KCNJ6: variants seen among roughly 807,000 people sequenced by gnomAD.
KCNJ6 encodes potassium inwardly rectifying channel subfamily J member 6.
In KCNJ6, 9 loss-of-function variants were observed where a neutral mutation model predicts 34.2. The observed-to-expected ratio is 0.26, with a 90% CI of 0.16 to 0.46. The LOEUF is 0.46. Among genes scored for constraint, KCNJ6 ranks in the 20% least tolerant of loss-of-function variants. The pLI, the probability that KCNJ6 is intolerant of heterozygous loss-of-function variation, is 1.00. For synonymous variants in KCNJ6, 196 were observed against 207.1 expected (o/e 0.95, Z 0.46); for missense variants, 236 against 531.3 (o/e 0.44, Z 5.46).
At chr21:37,811,793 C>T (rs973397528) in intron 2 of KCNJ6, among the ~76,000 whole-genome samples, 2 of 152,014 alleles carry the variant, frequency 1.3e-5, no homozygotes, top group Non-Finnish European at 2.9e-5. Context: ...TCAGACATAC[C>T]AGAAAGCAAC....
At chr21:37,847,438 C>G (rs2055514914) in intron 1 of KCNJ6, among the ~76,000 whole-genome samples, 1 of 152,088 alleles carries the variant, frequency 6.6e-6, no homozygotes, top group Non-Finnish European at 1.5e-5. Flanking sequence ...ACCCTAGGAA[C>G]TGGTGAGAAG....
chr21:37,760,492 G>T (rs1038255588), intron 2 of KCNJ6, among the ~76,000 whole-genome samples: 12 of 152,122 alleles, frequency 7.9e-5, no homozygotes, highest in Admixed American at 5.9e-4. Flanking sequence ...TAGGTGGTGG[G>T]CAGGCACAGG....
intron 2 of KCNJ6, among the ~76,000 whole-genome samples, chr21:37,773,930 T>C (rs541931265): frequency 6.6e-6 from 1 of 152,296 alleles, no homozygotes; most frequent in South Asian, 2.1e-4. Context: ...GTACTTCTCA[T>C]GACCCCGTAT....
chr21:37,863,855 T>G lies in KCNJ6; in HGVS notation c.-27-23146A>C, dbSNP rs867282927. 9.3e-3 allele frequency among the ~76,000 whole-genome samples: 762 copies of G among 82,098 alleles called. 15 individuals are homozygous for G. The highest frequency in any genetic ancestry group is 0.036 in the African/African-American group (731 of 20,244). 53.9% of individuals were successfully genotyped at this position (82,098 alleles called of 152,430 possible). A position where few individuals can be genotyped will look rare whatever the true frequency, so the allele number is the denominator to read the frequency against. On this transcript the variant is annotated intron_variant, in intron 1 of 3. Coordinates refer to ENST00000609713, the MANE Select transcript of KCNJ6 (RefSeq NM_002240.5). Reference sequence around the variant, plus strand: ...ATTTTAAAATATAAAGGTTTTTTTTTTTTTGTTTTTTTTTTTTTTTGGTGA... The same window carrying G: ...ATTTTAAAATATAAAGGTTTTTTTTGTTTTGTTTTTTTTTTTTTTTGGTGA...
intron 2 of KCNJ6, among the ~76,000 whole-genome samples, chr21:37,742,508 T>C (rs1316213591): frequency 6.2e-5 from 1 of 16,166 alleles, no homozygotes; most frequent in African/African-American, 4.1e-4. Context: ...CCCAGAAAAA[T>C]ATTAAAAAGA....
intron 1 of KCNJ6, among the ~76,000 whole-genome samples, chr21:37,859,154 T>A (rs866951668): frequency 6.6e-6 from 1 of 151,872 alleles, no homozygotes; most frequent in Admixed American, 6.6e-5. Flanking sequence ...GGAAAACAAC[T>A]TCAATAAATA....
At position 37,623,654 on chromosome 21, in the gene KCNJ6, A is replaced by C. The variant is rs1213973962; in HGVS notation, c.*1505T>G. On this transcript the variant is annotated 3_prime_UTR_variant, in exon 4 of 4. Coordinates refer to ENST00000609713, the MANE Select transcript of KCNJ6 (RefSeq NM_002240.5). ...CCTTCCTCCCTTCTTTCCTTTTTGC[A>C]GATTAAAGTGAATTAAGGCTGGAAT... 1 of 151,082 alleles carries C rather than the reference A, an allele frequency of 6.6e-6. No homozygotes were observed. Among genetic ancestry groups the C allele is most frequent in the African/African-American group, 2.4e-5 (1 of 40,960 alleles). 9.4% of individuals were successfully genotyped at this position (151,082 alleles called of 1,614,324 possible).
At position 37,914,008 on chromosome 21, in the gene KCNJ6, G is replaced by GTGTGTGTGTGTGT. The variant is rs1555855560; in HGVS notation, c.-28+1875_-28+1876insACACACACACACA. Among the ~76,000 whole-genome samples the GTGTGTGTGTGTGT allele has an allele frequency of 3.0e-5, 4 of 135,584 alleles. No individual in the cohort carries two copies. The East Asian group carries it at 7.3e-4, about 25-fold the overall frequency. The allele number at this position is 135,584 out of a possible 152,430, so 88.9% of individuals were successfully genotyped here. On this transcript the variant is annotated intron_variant, in intron 1 of 3. Coordinates refer to ENST00000609713, the MANE Select transcript of KCNJ6 (RefSeq NM_002240.5). ...GCAACCCTCGTCAGAGGCGGATCGG[G>GTGTGTGTGTGTGT]GTGTGTGTGTGTGTGTGTGTGTGTG...
chr21:37,726,287 G>C (rs986675062), intron 2 of KCNJ6, among the ~76,000 whole-genome samples: 1 of 152,020 alleles, frequency 6.6e-6, no homozygotes, highest in Non-Finnish European at 1.5e-5. Flanking sequence ...TTTTTCTGTC[G>C]TGTTTTTCAC....
At chr21:37,914,393 G>A (rs2055883219) in intron 1 of KCNJ6, among the ~76,000 whole-genome samples, 1 of 152,094 alleles carries the variant, frequency 6.6e-6, no homozygotes, top group Non-Finnish European at 1.5e-5. Context: ...GGAACCCGCT[G>A]AGGAACCACC....
At chr21:37,677,212 G>C (rs879707007) in intron 3 of KCNJ6, among the ~76,000 whole-genome samples, 1 of 152,156 alleles carries the variant, frequency 6.6e-6, no homozygotes, top group Non-Finnish European at 1.5e-5. Context: ...GACAGCCTGG[G>C]GATGGGGAGG....
At chr21:37,665,412 C>T (rs2054509485) in intron 3 of KCNJ6, among the ~76,000 whole-genome samples, 1 of 152,180 alleles carries the variant, frequency 6.6e-6, no homozygotes, top group Non-Finnish European at 1.5e-5. Context: ...TCTGGTTTTA[C>T]AATAAACATT....
chr21:37,783,573 T>G (rs866906617), intron 2 of KCNJ6, among the ~76,000 whole-genome samples: 7 of 152,198 alleles, frequency 4.6e-5, no homozygotes, highest in African/African-American at 9.7e-5. Flanking sequence ...CTCGGGTATG[T>G]TTTTGTCAGC....
chr21:37,728,648 C>G (rs2054867859), intron 2 of KCNJ6, among the ~76,000 whole-genome samples: 1 of 151,896 alleles, frequency 6.6e-6, no homozygotes, highest in East Asian at 1.9e-4. Context: ...GATTTATAAC[C>G]AGTTACTAGT....
intron 2 of KCNJ6, among the ~76,000 whole-genome samples, chr21:37,830,450 G>GA (rs1183254177): frequency 2.0e-5 from 3 of 152,130 alleles, no homozygotes; most frequent in Non-Finnish European, 2.9e-5. Context: ...CTCCCCCAGG[G>GA]AAAATTTAGA....
At chr21:37,697,685 T>C (rs1330497645) in intron 3 of KCNJ6, among the ~76,000 whole-genome samples, 2 of 152,198 alleles carry the variant, frequency 1.3e-5, no homozygotes, top group African/African-American at 4.8e-5. Flanking sequence ...ATGTTGGCAA[T>C]AGTTGATCTG....
At chr21:37,845,027 T>G (rs2055499466) in intron 1 of KCNJ6, among the ~76,000 whole-genome samples, 1 of 152,180 alleles carries the variant, frequency 6.6e-6, no homozygotes, top group Non-Finnish European at 1.5e-5. Flanking sequence ...TTTCCTGGTG[T>G]GCTCATTTCA....
At chr21:37,834,790 G>T (rs1361718544) in intron 2 of KCNJ6, among the ~76,000 whole-genome samples, 3 of 152,220 alleles carry the variant, frequency 2.0e-5, no homozygotes, top group Non-Finnish European at 2.9e-5. Context: ...AAAGCAGACA[G>T]CCAAGACCTC....
At chr21:37,849,201 T>A (rs766132756) in intron 1 of KCNJ6, among the ~76,000 whole-genome samples, 10 of 152,196 alleles carry the variant, frequency 6.6e-5, no homozygotes, top group Non-Finnish European at 1.2e-4. Flanking sequence ...GCACCTATTC[T>A]AGGTTTGGTC....
Sources: allele counts gnomAD v4.1 joint callset (sites outside exome capture counted in the v4.1 genomes callset), GRCh38; gene constraint gnomAD v4.1.1; transcripts MANE v1.5; gene names NCBI Gene and HGNC (gene_info 2026-07-23, HGNC 2026-07-21).